Variants in KIF26B observed in about 807,000 individuals in gnomAD.
The protein encoded by KIF26B is kinesin family member 26B.
In KIF26B, 63 loss-of-function variants were observed where a neutral mutation model predicts 151.2. The observed-to-expected ratio is 0.42, with a 90% CI of 0.34 to 0.51. The LOEUF (loss-of-function observed/expected upper bound fraction) is 0.51. KIF26B is among the 20% of genes least tolerant of loss of function. The pLI is 0.07. For synonymous variants in KIF26B, 1,357 were observed against 1,262.1 expected, an observed-to-expected ratio of 1.08 and a Z score of -1.59; for missense variants, 2,813 against 2,913.6, an observed-to-expected ratio of 0.97 and a Z score of 0.79.
intron 3 of KIF26B, among the ~76,000 whole-genome samples, chr1:245,408,049 C>T (rs1267286430): frequency 6.6e-6 from 1 of 152,068 alleles, no homozygotes; most frequent in Non-Finnish European, 1.5e-5. Context: ...AGCCTTTGCC[C>T]AATAGAAGAG....
At chr1:245,609,983 G>GAT (rs2043501512) in intron 8 of KIF26B, among the ~76,000 whole-genome samples, 1 of 152,136 alleles carries the variant, frequency 6.6e-6, no homozygotes, top group Non-Finnish European at 1.5e-5. Context: ...AATTAGAACC[G>GAT]TGATATAATT....
At chr1:245,668,696 C>CTTTCCTT in intron 10 of KIF26B, among the ~76,000 whole-genome samples, 1 of 143,462 alleles carries the variant, frequency 7.0e-6, no homozygotes, top group African/African-American at 2.9e-5. Flanking sequence ...CTTTTCTTTT[C>CTTTCCTT]TTTTCTTTTT....
chr1:245,612,879 C>T (rs1208280271), intron 9 of KIF26B, among the ~76,000 whole-genome samples: 1 of 152,188 alleles, frequency 6.6e-6, no homozygotes, highest in African/African-American at 2.4e-5. Flanking sequence ...CTACAGACCC[C>T]TCTTGGCTGT....
chr1:245,405,296 T>C (rs1416646399), intron 3 of KIF26B, among the ~76,000 whole-genome samples: 1 of 152,216 alleles, frequency 6.6e-6, no homozygotes, highest in African/African-American at 2.4e-5. Context: ...AAGAACAATT[T>C]CAAATATCTT....
At chr1:245,374,135 ATATG>A (rs1489520222) in intron 3 of KIF26B, among the ~76,000 whole-genome samples, 206 of 108,344 alleles carry the variant, frequency 1.9e-3, no homozygotes, top group Middle Eastern at 4.5e-3. Context: ...ATATATATAT[ATATG>A]GGCACAAAAG....
intron 5 of KIF26B, among the ~76,000 whole-genome samples, chr1:245,582,820 G>C (rs568188482): frequency 1.3e-5 from 2 of 152,300 alleles, no homozygotes; most frequent in South Asian, 4.1e-4. Context: ...GAGGGCAGCT[G>C]TCAGGATTGC....
rs1375624986 is a variant in KIF26B, at chr1:245,564,855, A to G, written c.1350+23905A>G. On this transcript the variant is annotated intron_variant, in intron 5 of 14. Coordinates refer to ENST00000407071, the MANE Select transcript of KIF26B (RefSeq NM_018012.4). The surrounding 1 kb of genome is among the most constrained non-coding windows in gnomAD (Gnocchi z 4.6). ...GTGCAACCTAGACCCCCACATGCAC[A>G]GCTCACAATAGGGTTTGTGCTTCCA... is the stretch of plus-strand genomic sequence containing the variant. Among the ~76,000 whole-genome samples, 1 of 152,210 alleles carries G rather than the reference A, an allele frequency of 6.6e-6. No homozygotes were observed. The highest frequency in any genetic ancestry group is 1.9e-4 in the East Asian group (1 of 5,198).
chr1:245,187,809 G>C (rs1669025551), intron 2 of KIF26B, among the ~76,000 whole-genome samples: 1 of 152,208 alleles, frequency 6.6e-6, no homozygotes, highest in Non-Finnish European at 1.5e-5. Context: ...TTAGACACAT[G>C]ATAGGGAAAG....
intron 2 of KIF26B, among the ~76,000 whole-genome samples, chr1:245,248,514 A>T (rs1423739763): frequency 6.6e-6 from 1 of 152,200 alleles, no homozygotes; most frequent in Admixed American, 6.5e-5. Flanking sequence ...CACCAAATCC[A>T]CTAACTATTA....
At position 245,437,005 on chromosome 1, in the gene KIF26B, A is replaced by G. The variant is rs1341967283; in HGVS notation, c.1166+17260A>G. Among the ~76,000 whole-genome samples the G allele has an allele frequency of 5.3e-5, 8 of 149,752 alleles. No homozygotes were observed. The Admixed American group carries it at 5.4e-4, about 10-fold the overall frequency. On this transcript the variant is annotated intron_variant, in intron 4 of 14. Transcript: ENST00000407071. The stretch of plus-strand genomic sequence containing the variant: ...GGGTTCAAGTGATTCTCCTGCCTCA[A>G]CCTCCCAAGTAGCTGGGATTACAGG...
At chr1:245,513,560 C>T (rs577798645) in intron 4 of KIF26B, among the ~76,000 whole-genome samples, 8 of 152,104 alleles carry the variant, frequency 5.3e-5, no homozygotes, top group Non-Finnish European at 1.0e-4. Flanking sequence ...GCTTTCATTT[C>T]GGCCCGATGT....
chr1:245,423,320 T>G (rs1351765858), intron 4 of KIF26B, among the ~76,000 whole-genome samples: 2 of 152,158 alleles, frequency 1.3e-5, no homozygotes, highest in Admixed American at 1.3e-4. Context: ...CCATTTTCTC[T>G]GTTTTATGGA....
Position 245,602,475 on chromosome 1 carries a change from C to T in KIF26B, c.1351-102C>T. 1.2e-6 allele frequency: 1 copy of T among 841,024 alleles called. No individual in the cohort carries two copies. 52.1% of individuals were successfully genotyped at this position (841,024 alleles called of 1,614,324 possible). A position where few individuals can be genotyped will look rare whatever the true frequency, so the allele number is the denominator to read the frequency against. ...CATCATAATTTATCCTGAGAAAGTT[C>T]AGTGCTGCCATGTGCATGTATATCG... is the stretch of plus-strand genomic sequence containing the variant. On this transcript the variant is annotated intron_variant, in intron 5 of 14. Coordinates refer to ENST00000407071, the MANE Select transcript of KIF26B (RefSeq NM_018012.4). This position sits in a 1 kb window ranked among gnomAD's most constrained non-coding sequence, Gnocchi z 4.5.
chr1:245,497,887 G>A lies in KIF26B; in HGVS notation c.1167-42880G>A, dbSNP rs142336288. Reference sequence around the variant, plus strand: ...GCCTCCTGAGTAGCTGGGATTACAGGCATGTGCCACCACACCCAGCTAATT... The same window carrying A: ...GCCTCCTGAGTAGCTGGGATTACAGACATGTGCCACCACACCCAGCTAATT... On this transcript the variant is annotated intron_variant, in intron 4 of 14. Coordinates refer to ENST00000407071, the MANE Select transcript of KIF26B (RefSeq NM_018012.4). Among the ~76,000 whole-genome samples, 1,366 of 152,326 alleles carry A rather than the reference G, an allele frequency of 9.0e-3. 7 individuals are homozygous for A. The highest frequency in any genetic ancestry group is 0.015 in the Non-Finnish European group (999 of 68,038).
At chr1:245,303,420 G>T (rs562576570) in intron 2 of KIF26B, among the ~76,000 whole-genome samples, 2 of 150,360 alleles carry the variant, frequency 1.3e-5, no homozygotes, top group Non-Finnish European at 2.9e-5. Flanking sequence ...GGATGGTCTC[G>T]ATCTCCTGAC....
intron 2 of KIF26B, among the ~76,000 whole-genome samples, chr1:245,355,488 T>C (rs911067835): frequency 1.3e-5 from 2 of 151,168 alleles, no homozygotes; most frequent in African/African-American, 4.9e-5. Flanking sequence ...CCCAGCTATT[T>C]GGAAGCCTGA....
At chr1:245,266,149 C>T (rs1215144746) in intron 2 of KIF26B, among the ~76,000 whole-genome samples, 1 of 152,008 alleles carries the variant, frequency 6.6e-6, no homozygotes, top group Non-Finnish European at 1.5e-5. Flanking sequence ...AGGACTTGAA[C>T]AGGGATTTTA....
rs556160896 is a variant in KIF26B, at chr1:245,606,460, G to A, written c.1558-1191G>A. On this transcript the variant is annotated intron_variant, in intron 6 of 14. Coordinates refer to ENST00000407071, the MANE Select transcript of KIF26B (RefSeq NM_018012.4). The surrounding 1 kb of genome is among the most constrained non-coding windows in gnomAD (Gnocchi z 4.6). The stretch of plus-strand genomic sequence containing the variant: ...AGAAATGAAAGCAACAGGGCACAGC[G>A]AATAATGCTATCTTTCTGCTTCTGT... Among the ~76,000 whole-genome samples, 21 of 151,586 alleles carry A rather than the reference G, an allele frequency of 1.4e-4. No individual in the cohort carries two copies. The highest frequency in any genetic ancestry group is 4.6e-4 in the African/African-American group (19 of 41,554).
At chr1:245,444,168 T>C (rs1226943619) in intron 4 of KIF26B, among the ~76,000 whole-genome samples, 1 of 148,912 alleles carries the variant, frequency 6.7e-6, no homozygotes, top group Non-Finnish European at 1.5e-5. Flanking sequence ...CCCTCACTGT[T>C]CACCTAGAGT....
Sources: gnomAD v4.1 joint callset for allele counts (sites outside exome capture counted in the v4.1 genomes callset) on GRCh38, gnomAD v4.1.1 for gene constraint, Gnocchi (gnomAD v3.1) non-coding constraint, MANE v1.5 for transcripts, NCBI Gene and HGNC (gene_info 2026-07-23, HGNC 2026-07-21) for gene names.